The following CR1 variants were observed in gnomAD, a reference collection of about 807,000 sequenced individuals.
The protein encoded by CR1 is complement C3b/C4b receptor 1 (Knops blood group), also known as complement receptor type 1.
Under a neutral mutation model 187.3 loss-of-function variants are expected in CR1, and 116 were observed. The observed-to-expected ratio is 0.62, with a 90% CI of 0.53 to 0.72. The LOEUF is 0.72. Ranked by LOEUF, CR1 falls within the 30% of genes least tolerant of loss-of-function variation. CR1 has a pLI of 0.00. For missense variants in CR1, 1,731 were observed against 2,110.7 expected, an observed-to-expected ratio of 0.82 and a Z score of 3.52; for synonymous variants, 576 against 747.1, an observed-to-expected ratio of 0.77 and a Z score of 3.73.
intron 41 of CR1, among the ~76,000 whole-genome samples, 181 bp downstream of exon 41, chr1:207,616,983 G>A (rs2102395040): frequency 6.6e-6 from 1 of 152,254 alleles, no homozygotes; most frequent in South Asian, 2.1e-4. Flanking sequence ...CTCAATTGTT[G>A]GTATTCTGAT....
chr1:207,592,260 T>C (rs1006694059), intron 35 of CR1, among the ~76,000 whole-genome samples: 4 of 152,218 alleles, frequency 2.6e-5, no homozygotes, highest in African/African-American at 9.6e-5. Context: ...TCAAGCTGGC[T>C]TCATCCCTGA....
Position 207,578,296 on chromosome 1 carries a change from G to A in CR1, c.4936+93G>A, listed in dbSNP as rs1660831455. On this transcript the variant is annotated intron_variant, in intron 29 of 46. Coordinates refer to ENST00000367049, the MANE Select transcript of CR1 (RefSeq NM_000651.6). ...TATTTGTTAAGGGGGAGGTATGTAT[G>A]GTGAGGAGGGTGGGAAAGTAAGTTT... 3.1e-6 allele frequency: 5 copies of A among 1,602,974 alleles called. No homozygotes were observed. The Admixed American group carries it at 8.5e-5, about 27-fold the overall frequency.
intron 4 of CR1, among the ~76,000 whole-genome samples, chr1:207,522,836 G>C (rs1660038520): frequency 6.6e-6 from 1 of 152,058 alleles, no homozygotes; most frequent in African/African-American, 2.4e-5. Context: ...TGGGATTTGG[G>C]TTGAAGAAAT....
intron 4 of CR1, among the ~76,000 whole-genome samples, chr1:207,516,706 T>C (rs1659819451): frequency 1.3e-5 from 2 of 152,232 alleles, no homozygotes; most frequent in African/African-American, 4.8e-5. Context: ...AGAAGTCATG[T>C]ACCTATTTCA....
At chr1:207,526,236 G>A (rs1333704492) in intron 5 of CR1, among the ~76,000 whole-genome samples, 1 of 152,024 alleles carries the variant, frequency 6.6e-6, no homozygotes, top group African/African-American at 2.4e-5. Flanking sequence ...ATGTCAGGTG[G>A]CCGCTGAGAG....
intron 4 of CR1, 37 bp downstream of exon 4, chr1:207,511,691 C>A (rs1324042544): frequency 1.3e-6 from 2 of 1,578,700 alleles, no homozygotes; most frequent in South Asian, 1.1e-5. Flanking sequence ...CTTTTACCGA[C>A]ACATTCTAAT....
intron 45 of CR1, among the ~76,000 whole-genome samples, chr1:207,625,016 G>A (rs543785507): frequency 9.2e-5 from 14 of 152,024 alleles, no homozygotes; most frequent in Non-Finnish European, 1.9e-4. Flanking sequence ...CATTACTTAT[G>A]GTCCATTCCT....
At chr1:207,523,068 A>G (rs1478518776) in intron 4 of CR1, among the ~76,000 whole-genome samples, 1 of 152,094 alleles carries the variant, frequency 6.6e-6, no homozygotes, top group African/African-American at 2.4e-5. Context: ...GAATTTTGGT[A>G]ATTTGTATTT....
At chr1:207,526,098 A>G (rs1024590912) in intron 5 of CR1, among the ~76,000 whole-genome samples, 12 of 152,074 alleles carry the variant, frequency 7.9e-5, no homozygotes, top group African/African-American at 2.7e-4. Flanking sequence ...CACTCTCATC[A>G]TGGTGACAGT....
chr1:207,594,240 T>G (rs1186496270), intron 35 of CR1, among the ~76,000 whole-genome samples: 1 of 152,202 alleles, frequency 6.6e-6, no homozygotes, highest in Admixed American at 6.5e-5. Flanking sequence ...AAAGAAAATG[T>G]GGCACATATA....
chr1:207,611,850 A>C lies in CR1; in HGVS notation c.6469A>C (p.Thr2157Pro). The change falls in exon 38 of 47, where the codon ACA becomes CCA. Residue 2157 changes from threonine to proline, a missense_variant. Transcript: ENST00000367049. ...CTGGAGCCCTGAAGCCCCTAGATGT[A>C]CAGGTGCCTTGACTCTCTGGCTTCC... ...GDWSPEAPRCTVKSCDDFLGQ... is the reference protein window; with the variant it reads ...GDWSPEAPRCPVKSCDDFLGQ... The C allele has an allele frequency of 1.2e-6, 2 of 1,613,970 alleles. No individual in the cohort carries two copies. Among genetic ancestry groups the C allele is most frequent in the African/African-American group, 2.7e-5 (2 of 75,044 alleles).
chr1:207,610,225 A>AAT (rs894774768), intron 37 of CR1, among the ~76,000 whole-genome samples: 7 of 152,060 alleles, frequency 4.6e-5, no homozygotes, highest in African/African-American at 1.2e-4. Flanking sequence ...AATCCAAACA[A>AAT]ATATATATAT....
chr1:207,587,565 C>A lies in CR1; in HGVS notation c.5710C>A (p.Arg1904=), dbSNP rs772663179. ...GTCAAGTGTTGAAGACAACTGTAGA[C>A]GTGAGTAACCCCTCCCTGGGAACTA... is the stretch of plus-strand genomic sequence containing the variant. The part of the protein sequence containing the change: ...VWSSVEDNCR[R]KSCGPPPEPF... Residue 1904 remains arginine, a splice_region_variant and synonymous_variant, in exon 34 of 47, where the codon CGA becomes AGA. Transcript: ENST00000367049. 6.2e-7 allele frequency: 1 copy of A among 1,612,410 alleles called. No individual in the cohort carries two copies. Among genetic ancestry groups the A allele is most frequent in the East Asian group, 2.2e-5 (1 of 44,836 alleles).
intron 35 of CR1, among the ~76,000 whole-genome samples, chr1:207,601,014 A>T (rs774092863): frequency 3.9e-5 from 6 of 152,184 alleles, no homozygotes; most frequent in Non-Finnish European, 8.8e-5. Flanking sequence ...ATAAATGAAC[A>T]AAACATTTCT....
rs188999850 is a variant in CR1 at position 207,595,114 on chromosome 1, T to C, written c.5810+6340T>C. ...GAGTCGGAAAAGGAGTGATGACTGGTAGATTGGAGCCTGCCCCCAACCCCC... is the reference window on the plus strand; with the variant it reads ...GAGTCGGAAAAGGAGTGATGACTGGCAGATTGGAGCCTGCCCCCAACCCCC... On this transcript the variant is annotated intron_variant, in intron 35 of 46. Coordinates refer to ENST00000367049, the MANE Select transcript of CR1 (RefSeq NM_000651.6). Among the ~76,000 whole-genome samples the C allele has an allele frequency of 8.4e-4, 123 of 146,786 alleles. 5 individuals carry two copies. In the East Asian group the frequency reaches 0.023, roughly 28 times the overall value.
At chr1:207,635,384 G>A (rs1330371844) in intron 46 of CR1, among the ~76,000 whole-genome samples, 7 of 151,988 alleles carry the variant, frequency 4.6e-5, no homozygotes, top group African/African-American at 1.4e-4. Flanking sequence ...CAAAGGTCTC[G>A]GCATCATAAA....
At chr1:207,594,538 A>G (rs922215845) in intron 35 of CR1, among the ~76,000 whole-genome samples, 1 of 152,170 alleles carries the variant, frequency 6.6e-6, no homozygotes, top group South Asian at 2.1e-4. Flanking sequence ...CCACCATGAC[A>G]TGTGTATACC....
chr1:207,501,287 G>A (rs942011415), intron 1 of CR1, among the ~76,000 whole-genome samples: 7 of 152,236 alleles, frequency 4.6e-5, no homozygotes, highest in Admixed American at 3.9e-4. Flanking sequence ...GTGTGGGTGG[G>A]ATGTATGATG....
intron 1 of CR1, among the ~76,000 whole-genome samples, chr1:207,499,333 T>C (rs989822082): frequency 1.3e-5 from 2 of 152,168 alleles, no homozygotes; most frequent in African/African-American, 4.8e-5. Flanking sequence ...TGTATGCACC[T>C]GATGGAGAGA....
Sources: gnomAD v4.1 joint callset for allele counts (sites outside exome capture counted in the v4.1 genomes callset) on GRCh38, gnomAD v4.1.1 for gene constraint, MANE v1.5 for transcripts, NCBI Gene and HGNC (gene_info 2026-07-23, HGNC 2026-07-21) for gene names.